SDK2: variants seen among roughly 807,000 people sequenced by gnomAD.
The protein encoded by SDK2 is protein sidekick-2.
In SDK2, 105 loss-of-function variants were observed where a neutral mutation model predicts 253.9. The observed-to-expected ratio is 0.41, with a 90% CI of 0.35 to 0.49. The LOEUF is 0.49. Among genes scored for constraint, SDK2 ranks in the 20% least tolerant of loss-of-function variants. The probability of loss-of-function intolerance (pLI) is 0.06; values close to 1 mark genes in which losing one functional copy is unlikely to be tolerated. For synonymous variants in SDK2, 1,249 were observed against 1,234.9 expected (o/e 1.01, Z -0.24); for missense variants, 2,608 against 3,003.0 (o/e 0.87, Z 3.07).
At chr17:73,636,680 C>CAA (rs561026344) in intron 1 of SDK2, among the ~76,000 whole-genome samples, 42 of 50,974 alleles carry the variant, frequency 8.2e-4, no homozygotes, top group African/African-American at 1.2e-3. Context: ...GACTCTGTCT[C>CAA]AAAAAAAAAA....
chr17:73,412,108 GTATATATGTATACGTA>G (rs2063141395), intron 18 of SDK2, among the ~76,000 whole-genome samples: 2 of 39,408 alleles, frequency 5.1e-5, no homozygotes, highest in Admixed American at 2.8e-4. Flanking sequence ...ATATGTATAC[GTATATATGTATACGTA>G]TATATGTGTA....
chr17:73,372,367 G>A (rs952766887), intron 36 of SDK2, among the ~76,000 whole-genome samples: 6 of 152,176 alleles, frequency 3.9e-5, no homozygotes, highest in Admixed American at 2.6e-4. Flanking sequence ...CAGGCATCTC[G>A]GTCCATGTGG....
intron 33 of SDK2, among the ~76,000 whole-genome samples, chr17:73,382,144 G>C (rs2062836426): frequency 1.3e-5 from 2 of 151,868 alleles, no homozygotes; most frequent in South Asian, 2.1e-4. Flanking sequence ...TTGAACCTGG[G>C]AGGCGGAGGT....
chr17:73,438,225 G>T lies in SDK2; in HGVS notation c.726-71C>A, dbSNP rs1599566738. 4 of 1,403,084 alleles carry T rather than the reference G, an allele frequency of 2.9e-6. No homozygotes were observed. In the East Asian group the frequency reaches 1.0e-4, roughly 35 times the overall value. 86.9% of individuals were successfully genotyped at this position (1,403,084 alleles called of 1,614,324 possible). On this transcript the variant is annotated intron_variant, in intron 6 of 44. Transcript: ENST00000392650. ...AGAGGCCTGAGAGGCAGGGCAGGGG[G>T]TGGTAAGGAGTGTGGGCTTGGGAGC...
intron 1 of SDK2, among the ~76,000 whole-genome samples, chr17:73,547,563 G>A (rs1001191248): frequency 6.6e-6 from 1 of 152,136 alleles, no homozygotes; most frequent in Non-Finnish European, 1.5e-5. Flanking sequence ...CAAGTCCTGT[G>A]TCCCATTCCC....
chr17:73,348,843 C>T lies in SDK2; in HGVS notation c.6039-118G>A, dbSNP rs1216445863. The T allele has an allele frequency of 3.7e-6, 3 of 800,266 alleles. No individual in the cohort carries two copies. In the African/African-American group the frequency reaches 5.0e-5, roughly 13 times the overall value. The allele number at this position is 800,266 out of a possible 1,614,324, so 49.6% of individuals were successfully genotyped here. On this transcript the variant is annotated intron_variant, in intron 43 of 44. Coordinates refer to ENST00000392650, the MANE Select transcript of SDK2 (RefSeq NM_001144952.2). ...CGGATCCCTGCCACCCTGTGCTCCT[C>T]CTCCTTCCTGGGTCTGCCTTCCAGG...
At chr17:73,500,221 A>C in intron 2 of SDK2, among the ~76,000 whole-genome samples, 1 of 118,194 alleles carries the variant, frequency 8.5e-6, no homozygotes, top group African/African-American at 3.4e-5. Flanking sequence ...CATCTCCTCC[A>C]TCCTCCCTCC....
chr17:73,567,080 T>C (rs1259927405), intron 1 of SDK2, among the ~76,000 whole-genome samples: 1 of 152,166 alleles, frequency 6.6e-6, no homozygotes, highest in Admixed American at 6.5e-5. Context: ...GGAAGGTCTT[T>C]GGGGAAAATC....
chr17:73,523,642 G>A (rs1000408107), intron 1 of SDK2, among the ~76,000 whole-genome samples: 18 of 152,084 alleles, frequency 1.2e-4, no homozygotes, highest in South Asian at 2.1e-4. Context: ...CAGAGGGAGC[G>A]TGGCCTTGCT....
At chr17:73,601,047 TCTCA>T (rs1386419435) in intron 1 of SDK2, among the ~76,000 whole-genome samples, 4 of 151,556 alleles carry the variant, frequency 2.6e-5, no homozygotes, top group Non-Finnish European at 5.9e-5. Flanking sequence ...TGAGATGGCA[TCTCA>T]CTCTGTTGCC....
intron 2 of SDK2, among the ~76,000 whole-genome samples, chr17:73,498,110 G>C (rs961570390): frequency 6.6e-6 from 1 of 152,182 alleles, no homozygotes; most frequent in Non-Finnish European, 1.5e-5. Flanking sequence ...TTCTACACAT[G>C]GGGGCCAGGA....
rs771484029 is a variant in SDK2 at position 73,390,341 on chromosome 17, G to A, written c.4138C>T (p.Arg1380Cys). ...TCGGCAGCTTCTCCCCAGCCCTTGC[G>A]GGTCTGGGCCGTGATGCGGAACAGG... ...VYLFRITAQTRKGWGEAAEAL... is the reference protein window; with the variant it reads ...VYLFRITAQTCKGWGEAAEAL... The change falls in exon 29 of 45, where the codon CGC (arginine) becomes TGC (cysteine). Residue 1380 changes from arginine to cysteine, a missense_variant. By Grantham distance (180) the Arg-to-Cys change is radical. Transcript: ENST00000392650. 34 of 1,609,722 alleles carry A rather than the reference G, an allele frequency of 2.1e-5. No homozygotes were observed. The highest frequency in any genetic ancestry group is 2.6e-5 in the Non-Finnish European group (31 of 1,179,408).
In SDK2 at chr17:73,588,206, C is replaced by T. The variant is rs532841355; in HGVS notation, c.64+55819G>A. 7.0e-3 allele frequency among the ~76,000 whole-genome samples: 989 copies of T among 140,628 alleles called. 7 individuals are homozygous for T. Among genetic ancestry groups the T allele is most frequent in the Non-Finnish European group, 0.011 (689 of 64,516 alleles). 92.3% of individuals were successfully genotyped at this position (140,628 alleles called of 152,430 possible). On this transcript the variant is annotated intron_variant, in intron 1 of 44. Coordinates refer to ENST00000392650, the MANE Select transcript of SDK2 (RefSeq NM_001144952.2). ...TGACCAACATGGAGAGACCCCCCCC[C>T]CTCCCCCGCCATCTCTACTAAAAAT...
intron 2 of SDK2, among the ~76,000 whole-genome samples, chr17:73,475,389 T>C (rs988278606): frequency 6.6e-6 from 1 of 152,172 alleles, no homozygotes; most frequent in Non-Finnish European, 1.5e-5. Context: ...TGACCTCAGG[T>C]GATCCACCCA....
intron 43 of SDK2, among the ~76,000 whole-genome samples, chr17:73,349,642 C>G (rs1254982856): frequency 1.3e-5 from 2 of 152,188 alleles, no homozygotes; most frequent in Non-Finnish European, 2.9e-5. Context: ...GCACCACGAG[C>G]CTTGTCCTGT....
intron 36 of SDK2, among the ~76,000 whole-genome samples, chr17:73,369,540 C>A (rs1003567279): frequency 6.6e-6 from 1 of 152,212 alleles, no homozygotes. Flanking sequence ...TTCCTGGGGT[C>A]CGTGTGAGGG....
intron 37 of SDK2, among the ~76,000 whole-genome samples, chr17:73,366,863 C>T (rs1196671019): frequency 1.3e-5 from 2 of 152,122 alleles, no homozygotes; most frequent in Non-Finnish European, 2.9e-5. Context: ...CTTCAGCCTC[C>T]CGATCTCCCC....
intron 1 of SDK2, among the ~76,000 whole-genome samples, chr17:73,548,419 T>G (rs2045001052): frequency 6.6e-6 from 1 of 152,228 alleles, no homozygotes; most frequent in Non-Finnish European, 1.5e-5. Context: ...CCACACAGCA[T>G]CAAACCCTGC....
rs185262845 is a variant in SDK2 at position 73,381,541 on chromosome 17, G to A, written c.4706-591C>T. Reference sequence around the variant, plus strand: ...TTTGTTGTCTGCTAACTCACTAGAAGACAAGGCACAAAAGGCTTGAGAGAA... The same window carrying A: ...TTTGTTGTCTGCTAACTCACTAGAAAACAAGGCACAAAAGGCTTGAGAGAA... On this transcript the variant is annotated intron_variant, in intron 33 of 44. Coordinates refer to ENST00000392650, the MANE Select transcript of SDK2 (RefSeq NM_001144952.2). Among the ~76,000 whole-genome samples, 14 of 152,294 alleles carry A rather than the reference G, an allele frequency of 9.2e-5. 1 individual carries two copies. Among genetic ancestry groups the A allele is most frequent in the Non-Finnish European group, 1.5e-5 (1 of 68,028 alleles).
Sources: gnomAD v4.1 joint callset for allele counts (sites outside exome capture counted in the v4.1 genomes callset) on GRCh38, gnomAD v4.1.1 for gene constraint, MANE v1.5 for transcripts, NCBI Gene and HGNC (gene_info 2026-07-23, HGNC 2026-07-21) for gene names.